The following ZMAT4 variants were observed in gnomAD, a reference collection of about 807,000 sequenced individuals.
ZMAT4 encodes the protein zinc finger matrin-type protein 4.
A neutral mutation model predicts 28.7 loss-of-function variants in ZMAT4; 17 were observed. The ratio of observed to expected loss-of-function variants is 0.59; its 90% CI spans 0.41 to 0.89. The LOEUF (loss-of-function observed/expected upper bound fraction) is 0.89. Among genes scored for constraint, ZMAT4 ranks in the 40% least tolerant of loss-of-function variants. The probability of loss-of-function intolerance (pLI) is 0.00; values close to 1 mark genes in which losing one functional copy is unlikely to be tolerated. For synonymous variants in ZMAT4, 117 were observed against 109.2 expected, an observed-to-expected ratio of 1.07 and a Z score of -0.44; for missense variants, 240 against 283.8, an observed-to-expected ratio of 0.85 and a Z score of 1.11.
chr8:40,739,956 C>T (rs6986536), intron 3 of ZMAT4, among the ~76,000 whole-genome samples: 17,260 of 152,232 alleles, frequency 0.11, 1,078 homozygotes, highest in Middle Eastern at 0.18. Context: ...TCATCCATGT[C>T]CCTGAAAAGA....
At chr8:40,706,470 G>A (rs1295246600) in intron 3 of ZMAT4, among the ~76,000 whole-genome samples, 1 of 152,068 alleles carries the variant, frequency 6.6e-6, no homozygotes, top group Non-Finnish European at 1.5e-5. Context: ...AAGCTCAGAG[G>A]GTTTAAATAA....
chr8:40,714,811 G>A (rs1810772517), intron 3 of ZMAT4, among the ~76,000 whole-genome samples: 1 of 152,148 alleles, frequency 6.6e-6, no homozygotes, highest in African/African-American at 2.4e-5. Flanking sequence ...AGCACTTTGG[G>A]AGGCCAAGGC....
intron 2 of ZMAT4, among the ~76,000 whole-genome samples, chr8:40,768,991 A>C (rs1433172571): frequency 6.6e-6 from 1 of 152,198 alleles, no homozygotes; most frequent in African/African-American, 2.4e-5. Flanking sequence ...TGTTTACAGG[A>C]TAGATTGTAA....
intron 6 of ZMAT4, among the ~76,000 whole-genome samples, chr8:40,578,578 CATTT>C (rs1216376773): frequency 6.6e-6 from 1 of 152,018 alleles, no homozygotes; most frequent in Non-Finnish European, 1.5e-5. Flanking sequence ...ATTGAACAAA[CATTT>C]ATCATTTATT....
intron 6 of ZMAT4, among the ~76,000 whole-genome samples, chr8:40,537,690 C>G (rs574094616): frequency 2.6e-5 from 4 of 152,126 alleles, no homozygotes; most frequent in Admixed American, 2.6e-4. Context: ...CTTTGCAAAA[C>G]GTTTTTCATA....
chr8:40,566,859 T>C (rs1272318709), intron 6 of ZMAT4, among the ~76,000 whole-genome samples: 3 of 152,114 alleles, frequency 2.0e-5, no homozygotes, highest in Non-Finnish European at 4.4e-5. Flanking sequence ...AGTAAGCTTA[T>C]GTGATTTAGC....
intron 2 of ZMAT4, among the ~76,000 whole-genome samples, chr8:40,815,142 C>G (rs4495413): frequency 0.64 from 96,954 of 151,880 alleles, 31,432 homozygotes; most frequent in Middle Eastern, 0.75. Flanking sequence ...GGGTGTGGTG[C>G]TGCGTGCCTG....
intron 4 of ZMAT4, among the ~76,000 whole-genome samples, chr8:40,696,690 T>G (rs1361671585): frequency 6.6e-6 from 1 of 152,080 alleles, no homozygotes; most frequent in Non-Finnish European, 1.5e-5. Context: ...GCAAGATGAA[T>G]CACAGGATCC....
At chr8:40,672,069 C>G (rs1377994325) in intron 5 of ZMAT4, among the ~76,000 whole-genome samples, 1 of 151,702 alleles carries the variant, frequency 6.6e-6, no homozygotes, top group Non-Finnish European at 1.5e-5. Flanking sequence ...TGCTAATAAT[C>G]TATAAAGTAA....
chr8:40,805,401 A>G lies in ZMAT4; in HGVS notation c.102+20174T>C, dbSNP rs868567444. On this transcript the variant is annotated intron_variant, in intron 2 of 6. Coordinates refer to ENST00000297737, the MANE Select transcript of ZMAT4 (RefSeq NM_024645.3). ...TGTGGCAATTCCTCAGGGATCTAGA[A>G]CTAGAAATACCATTTGACCCAGCCA... 5.5e-4 allele frequency among the ~76,000 whole-genome samples: 82 copies of G among 150,030 alleles called. 2 individuals carry two copies. The South Asian group carries it at 0.017, about 31-fold the overall frequency.
rs543930179 is a variant in ZMAT4, at chr8:40,652,876, T to C, written c.577+21828A>G. ...CATATTCTCACTCATAGGTGGGAATTGAACAATGAGATCACATGGACACAG... is the reference window on the plus strand; with the variant it reads ...CATATTCTCACTCATAGGTGGGAATCGAACAATGAGATCACATGGACACAG... On this transcript the variant is annotated intron_variant, in intron 5 of 6. Transcript: ENST00000297737. 1.8e-3 allele frequency among the ~76,000 whole-genome samples: 255 copies of C among 140,520 alleles called. 1 individual carries two copies. Among genetic ancestry groups the C allele is most frequent in the African/African-American group, 6.3e-3 (234 of 37,056 alleles). 92.2% of individuals were successfully genotyped at this position (140,520 alleles called of 152,430 possible).
intron 6 of ZMAT4, among the ~76,000 whole-genome samples, 190 bp downstream of exon 6, chr8:40,580,972 ATTC>A (rs1209524571): frequency 6.6e-6 from 1 of 152,166 alleles, no homozygotes; most frequent in African/African-American, 2.4e-5. Flanking sequence ...AAAAAAAGAG[ATTC>A]TTATTACTCA....
chr8:40,806,256 C>T (rs1161320029), intron 2 of ZMAT4, among the ~76,000 whole-genome samples: 4 of 152,196 alleles, frequency 2.6e-5, no homozygotes, highest in Non-Finnish European at 4.4e-5. Flanking sequence ...GAGTTTCAAA[C>T]GTCTAAACCT....
intron 1 of ZMAT4, among the ~76,000 whole-genome samples, chr8:40,848,813 G>A (rs959625267): frequency 3.9e-5 from 6 of 152,176 alleles, no homozygotes; most frequent in Non-Finnish European, 7.3e-5. Flanking sequence ...GGAATTGGGG[G>A]TGGTTGTATA....
intron 3 of ZMAT4, among the ~76,000 whole-genome samples, chr8:40,752,526 C>G (rs1812495226): frequency 6.6e-6 from 1 of 152,182 alleles, no homozygotes; most frequent in Non-Finnish European, 1.5e-5. Flanking sequence ...CACATCCTCC[C>G]TGCTTCTCAG....
intron 3 of ZMAT4, among the ~76,000 whole-genome samples, chr8:40,763,167 T>C (rs920651346): frequency 4.3e-4 from 66 of 152,252 alleles, no homozygotes; most frequent in African/African-American, 1.5e-3. Flanking sequence ...AGATACAGGG[T>C]CTACACATCT....
chr8:40,561,864 G>C (rs1256390811), intron 6 of ZMAT4, among the ~76,000 whole-genome samples: 2 of 152,090 alleles, frequency 1.3e-5, no homozygotes, highest in Non-Finnish European at 2.9e-5. Flanking sequence ...ATATGGCCCA[G>C]GGAAGCTAAA....
chr8:40,667,711 A>C (rs917727470), intron 5 of ZMAT4, among the ~76,000 whole-genome samples: 1 of 152,128 alleles, frequency 6.6e-6, no homozygotes, highest in Non-Finnish European at 1.5e-5. Context: ...TGCTCTTAAG[A>C]AGCACAGGAA....
At chr8:40,897,223 A>G (rs1269073474) in intron 1 of ZMAT4, among the ~76,000 whole-genome samples, 1 of 152,120 alleles carries the variant, frequency 6.6e-6, no homozygotes, top group Non-Finnish European at 1.5e-5. Flanking sequence ...GAAGGACTCC[A>G]GTTGAAGGTC....
Sources: gnomAD v4.1 joint callset for allele counts (sites outside exome capture counted in the v4.1 genomes callset) on GRCh38, gnomAD v4.1.1 for gene constraint, MANE v1.5 for transcripts, NCBI Gene and HGNC (gene_info 2026-07-23, HGNC 2026-07-21) for gene names.